Variants in VEGFA observed in about 807,000 individuals in gnomAD.
VEGFA encodes the protein vascular endothelial growth factor A.
Under a neutral mutation model 49.7 loss-of-function variants are expected in VEGFA, and 20 were observed. That is an observed-to-expected ratio of 0.40 (90% confidence interval 0.28 to 0.58). The LOEUF is 0.58. Ranked by LOEUF, VEGFA falls within the 20% of genes least tolerant of loss-of-function variation. The probability of loss-of-function intolerance (pLI) is 0.40; values close to 1 mark genes in which losing one functional copy is unlikely to be tolerated. For missense variants in VEGFA, 505 were observed against 553.5 expected (o/e 0.91, Z 0.88); for synonymous variants, 219 against 223.4 (o/e 0.98, Z 0.18).
At chr6:43,781,863 T>C in intron 6 of VEGFA, 93 bp from the exon 7 acceptor site, 1 of 1,536,838 alleles carries the variant, frequency 6.5e-7, no homozygotes, top group Non-Finnish European at 8.9e-7. Flanking sequence ...GGGGTGCAGC[T>C]GCGGACATGT....
At chr6:43,772,147 A>G (rs1763827580) in intron 1 of VEGFA, 5 of 871,204 alleles carry the variant, frequency 5.7e-6, no homozygotes, top group Non-Finnish European at 6.9e-6. Flanking sequence ...ACCCCTTCCT[A>G]CTGTCTCCAG....
At position 43,782,014 on chromosome 6, in the gene VEGFA, T is replaced by A; in HGVS notation, c.1093T>A (p.Cys365Ser). 1.2e-6 allele frequency: 2 copies of A among 1,614,028 alleles called. No homozygotes were observed. The highest frequency in any genetic ancestry group is 1.7e-6 in the Non-Finnish European group (2 of 1,179,984). Residue 365 changes from cysteine (C) to serine (S), a missense_variant, in exon 7 of 8, where the codon TGT becomes AGT. Cys to Ser is a moderately radical substitution (Grantham distance 112). Coordinates refer to ENST00000672860, the MANE Select transcript of VEGFA (RefSeq NM_003376.6). ...TTTGTTTGTACAAGATCCGCAGACG[T>A]GTAAATGTTCCTGCAAAAACACAGA...
rs1343930950 is a variant in VEGFA, at chr6:43,773,443, AG to A, written c.607-894del. Reference sequence around the variant, plus strand: ...GTGTTGACCTTCACAGCTTCTGGCGAGGGGAGGAATGATCTGATGCGGGTGG... The same window carrying A: ...GTGTTGACCTTCACAGCTTCTGGCGAGGGAGGAATGATCTGATGCGGGTGG... On this transcript the variant is annotated intron_variant, in intron 1 of 7. Transcript: ENST00000672860. This position sits in a 1 kb window ranked among gnomAD's most constrained non-coding sequence, Gnocchi z 5.6. The A allele has an allele frequency of 6.6e-6, 1 of 152,062 alleles. No homozygotes were observed. Among genetic ancestry groups the A allele is most frequent in the Non-Finnish European group, 1.5e-5 (1 of 68,040 alleles). The allele number at this position is 152,062 out of a possible 1,614,324, so 9.4% of individuals were successfully genotyped here.
Position 43,784,528 on chromosome 6 carries a change from C to A in VEGFA, c.1167-13C>A, listed in dbSNP as rs565874138. 3 of 1,614,060 alleles carry A rather than the reference C, an allele frequency of 1.9e-6. No homozygotes were observed. The highest frequency in any genetic ancestry group is 1.3e-5 in the African/African-American group (1 of 74,922). On this transcript the variant is annotated splice_polypyrimidine_tract_variant and intron_variant, in intron 7 of 7. Coordinates refer to ENST00000672860, the MANE Select transcript of VEGFA (RefSeq NM_003376.6). ...TGGCCCTAACCCCAGCCTTTGTTTT[C>A]CATTTCCCTCAGATGTGACAAGCCG... is the stretch of plus-strand genomic sequence containing the variant.
In VEGFA at chr6:43,784,700, C is replaced by T. The variant is rs1769158311; in HGVS notation, c.*138C>T. 1 of 1,508,774 alleles carries T rather than the reference C, an allele frequency of 6.6e-7. No homozygotes were observed. Among genetic ancestry groups the T allele is most frequent in the African/African-American group, 1.4e-5 (1 of 72,884 alleles). 93.5% of individuals were successfully genotyped at this position (1,508,774 alleles called of 1,614,324 possible). ...ACCATCGACAGAACAGTCCTTAATC[C>T]AGAAACCTGAAATGAAGGAAGAGGA... On this transcript the variant is annotated 3_prime_UTR_variant, in exon 8 of 8. Coordinates refer to ENST00000672860, the MANE Select transcript of VEGFA (RefSeq NM_003376.6).
At chr6:43,779,112 A>C (rs1401964362) in intron 5 of VEGFA, 194 bp downstream of exon 5, 1 of 687,878 alleles carries the variant, frequency 1.5e-6, no homozygotes, top group African/African-American at 1.8e-5. Flanking sequence ...GTGAGAAAAC[A>C]TAGCCAGGAG....
intron 4 of VEGFA, 117 bp from the exon 5 acceptor site, chr6:43,778,772 T>C (rs1207491873): frequency 1.7e-6 from 2 of 1,193,876 alleles, no homozygotes; most frequent in Non-Finnish European, 2.5e-6. Context: ...TAAAACAGTG[T>C]TGCTCCATAA....
intron 5 of VEGFA, chr6:43,779,293 T>C: frequency 2.3e-6 from 1 of 432,146 alleles, no homozygotes; most frequent in South Asian, 2.4e-5. Flanking sequence ...AGCTTTTGTG[T>C]GTCAGAGGAA....
At chr6:43,784,353 G>A in intron 7 of VEGFA, 188 bp from the exon 8 acceptor site, 2 of 669,224 alleles carry the variant, frequency 3.0e-6, no homozygotes. Flanking sequence ...GCTCCCTGAG[G>A]GCAGGGCTGG....
Position 43,784,752 on chromosome 6 carries a change from G to A in VEGFA, c.*190G>A, listed in dbSNP as rs978846445. Reference sequence around the variant, plus strand: ...ACTCTGCGCAGAGCACTTTGGGTCCGGAGGGCGAGACTCCGGCGGAAGCAT... The same window carrying A: ...ACTCTGCGCAGAGCACTTTGGGTCCAGAGGGCGAGACTCCGGCGGAAGCAT... On this transcript the variant is annotated 3_prime_UTR_variant, in exon 8 of 8. Transcript: ENST00000672860. The A allele has an allele frequency of 3.5e-5, 38 of 1,078,788 alleles. No individual in the cohort carries two copies. Among genetic ancestry groups the A allele is most frequent in the Admixed American group, 9.9e-5 (5 of 50,736 alleles). 66.8% of individuals were successfully genotyped at this position (1,078,788 alleles called of 1,614,324 possible).
chr6:43,774,139 TCATAAC>T, intron 1 of VEGFA, 196 bp from the exon 2 acceptor site: 1 of 634,828 alleles, frequency 1.6e-6, no homozygotes, highest in Non-Finnish European at 2.8e-6. Flanking sequence ...TTCCTCGGGT[TCATAAC>T]CATAGCAGTC....
At chr6:43,779,017 G>T in intron 5 of VEGFA, 99 bp downstream of exon 5, 1 of 1,510,648 alleles carries the variant, frequency 6.6e-7, no homozygotes, top group Non-Finnish European at 9.2e-7. Context: ...TAGCCTCCCT[G>T]GGTCAGGGAC....
At chr6:43,782,766 CTG>C (rs1768299204) in intron 7 of VEGFA, 1 of 158,024 alleles carries the variant, frequency 6.3e-6, no homozygotes, top group Non-Finnish European at 1.4e-5. Context: ...CCTCCTCAGA[CTG>C]GGGCTCTGAG....
chr6:43,778,770 T>C lies in VEGFA; in HGVS notation c.933-119T>C, dbSNP rs114177160. The C allele has an allele frequency of 8.4e-4, 973 of 1,160,238 alleles. 4 individuals carry two copies. In the African/African-American group the frequency reaches 0.013, roughly 16 times the overall value. 71.9% of individuals were successfully genotyped at this position (1,160,238 alleles called of 1,614,324 possible). A position where few individuals can be genotyped will look rare whatever the true frequency, so the allele number is the denominator to read the frequency against. On this transcript the variant is annotated intron_variant, in intron 4 of 7. Coordinates refer to ENST00000672860, the MANE Select transcript of VEGFA (RefSeq NM_003376.6). ...GTTATATATGAAAAGATTAAAACAG[T>C]GTTGCTCCATAATAAATGCTGTTTT...
intron 1 of VEGFA, chr6:43,771,891 G>A (rs1185987007): frequency 5.1e-6 from 2 of 393,902 alleles, no homozygotes; most frequent in East Asian, 1.6e-4. Context: ...GGCCACCTGC[G>A]CCGCGCCAAC....
chr6:43,781,885 G>A, intron 6 of VEGFA, 71 bp from the exon 7 acceptor site: 1 of 1,596,204 alleles, frequency 6.3e-7, no homozygotes, highest in Non-Finnish European at 8.5e-7. Flanking sequence ...AGGGGGTGTT[G>A]CATGGTGATT....
chr6:43,774,832 A>C, intron 2 of VEGFA: 1 of 243,256 alleles, frequency 4.1e-6, no homozygotes, highest in Non-Finnish European at 8.3e-6. Context: ...GCTCAGCCTA[A>C]TGGGATCTCT....
chr6:43,779,892 C>A (rs557621674), intron 5 of VEGFA: 1 of 332,028 alleles, frequency 3.0e-6, no homozygotes, highest in African/African-American at 2.2e-5. Context: ...CTACAGCCTG[C>A]CCCCCTTCCT....
intron 2 of VEGFA, chr6:43,776,576 G>A (rs952792565): frequency 6.6e-6 from 1 of 152,386 alleles, no homozygotes; most frequent in African/African-American, 2.4e-5. Context: ...TGGCAGCACT[G>A]TTTTTTCCAT....
Sources: gnomAD v4.1 joint callset for allele counts on GRCh38, gnomAD v4.1.1 for gene constraint, Gnocchi (gnomAD v3.1) non-coding constraint, MANE v1.5 for transcripts, NCBI Gene and HGNC (gene_info 2026-07-23, HGNC 2026-07-21) for gene names.